The following NXPE4 variants were observed in gnomAD, a reference collection of about 807,000 sequenced individuals.
The protein encoded by NXPE4 is NXPE family member 4.
Under a neutral mutation model 33.3 loss-of-function variants are expected in NXPE4, and 42 were observed. That is an observed-to-expected ratio of 1.26 (90% CI 0.98 to 1.63). The LOEUF is 1.63. Among genes scored for constraint, NXPE4 ranks in the 40% most tolerant of loss-of-function variants. The probability of loss-of-function intolerance (pLI) is 0.00; values close to 1 mark genes in which losing one functional copy is unlikely to be tolerated. For missense variants in NXPE4, 709 were observed against 647.6 expected (o/e 1.09, Z -1.03); for synonymous variants, 253 against 234.9 (o/e 1.08, Z -0.71).
the NXPE4 span, among the ~76,000 whole-genome samples, chr11:114,664,150 C>T: frequency 6.6e-6 from 1 of 152,128 alleles, no homozygotes; most frequent in Non-Finnish European, 1.5e-5. Context: ...ATTAAACAAG[C>T]TGGGATATAT....
the NXPE4 span, among the ~76,000 whole-genome samples, chr11:114,625,253 T>C: frequency 6.6e-6 from 1 of 152,206 alleles, no homozygotes; most frequent in Admixed American, 6.5e-5. Flanking sequence ...GGGTTACCAC[T>C]GTTTCCCAGT....
At chr11:114,656,038 C>T in the NXPE4 span, among the ~76,000 whole-genome samples, 1 of 152,154 alleles carries the variant, frequency 6.6e-6, no homozygotes, top group Non-Finnish European at 1.5e-5. Context: ...CCCATCATCT[C>T]AGCCCCAAAA....
At chr11:114,631,523 T>A in the NXPE4 span, among the ~76,000 whole-genome samples, 1 of 80,044 alleles carries the variant, frequency 1.2e-5, no homozygotes, top group Non-Finnish European at 2.3e-5. Context: ...GGGACTGTTG[T>A]GGGGTGGGGG....
In NXPE4 at chr11:114,588,270, C is replaced by G. The variant is rs749583346; in HGVS notation, c.97-5249G>C. On this transcript the variant is annotated intron_variant, in intron 2 of 5. Coordinates refer to ENST00000375478, the MANE Select transcript of NXPE4 (RefSeq NM_001077639.2). The stretch of plus-strand genomic sequence containing the variant: ...CCACTCCCCTAGCTTCACTCTTATC[C>G]TTACAGGAAATGCTCAATGGAGGTG... 6.0e-4 allele frequency among the ~76,000 whole-genome samples: 91 copies of G among 152,166 alleles called. 1 individual carries two copies. Among genetic ancestry groups the G allele is most frequent in the Non-Finnish European group, 5.3e-4 (36 of 68,034 alleles).
the NXPE4 span, among the ~76,000 whole-genome samples, chr11:114,635,024 G>T: frequency 1.3e-5 from 2 of 151,788 alleles, no homozygotes; most frequent in South Asian, 2.1e-4. Flanking sequence ...GCTTGATGGG[G>T]ATGGCATTGA....
the NXPE4 span, among the ~76,000 whole-genome samples, chr11:114,626,055 C>G: frequency 6.6e-6 from 1 of 152,180 alleles, no homozygotes; most frequent in Non-Finnish European, 1.5e-5. Context: ...ATTGCTAGCA[C>G]AGCAGTCTGA....
the NXPE4 span, among the ~76,000 whole-genome samples, chr11:114,626,092 C>A: frequency 2.0e-5 from 3 of 152,282 alleles, no homozygotes; most frequent in South Asian, 2.1e-4. Flanking sequence ...GGCAGCGAGG[C>A]TGGGAGAGGG....
the NXPE4 span, among the ~76,000 whole-genome samples, chr11:114,649,773 T>C: frequency 6.6e-6 from 1 of 152,154 alleles, no homozygotes; most frequent in South Asian, 2.1e-4. Context: ...CAAAATAGCC[T>C]CCAGAATAGA....
At chr11:114,663,365 T>C in the NXPE4 span, among the ~76,000 whole-genome samples, 2 of 152,132 alleles carry the variant, frequency 1.3e-5, no homozygotes, top group African/African-American at 4.8e-5. Context: ...GTGGGCCCTC[T>C]TCCTGTTCAA....
At chr11:114,628,220 T>C in the NXPE4 span, among the ~76,000 whole-genome samples, 474 of 143,670 alleles carry the variant, frequency 3.3e-3, 3 homozygotes, top group African/African-American at 0.012. Context: ...AATATACATT[T>C]TTTTCAGCAA....
chr11:114,578,544 G>A (rs1416688506), intron 5 of NXPE4, among the ~76,000 whole-genome samples: 1 of 152,150 alleles, frequency 6.6e-6, no homozygotes, highest in Non-Finnish European at 1.5e-5. Context: ...TCCTTCCATT[G>A]AGAATTTTTC....
the NXPE4 span, among the ~76,000 whole-genome samples, chr11:114,659,613 A>C: frequency 1.1e-4 from 16 of 152,148 alleles, no homozygotes; most frequent in Non-Finnish European, 1.9e-4. Context: ...ATACTAGAAA[A>C]TATTTTTAAT....
the NXPE4 span, among the ~76,000 whole-genome samples, chr11:114,668,063 A>G: frequency 5.3e-5 from 8 of 151,696 alleles, no homozygotes; most frequent in Non-Finnish European, 1.0e-4. Flanking sequence ...TTTCTTAGGG[A>G]GAAGGATGTT....
At chr11:114,578,546 G>A (rs1206663512) in intron 5 of NXPE4, among the ~76,000 whole-genome samples, 2 of 152,114 alleles carry the variant, frequency 1.3e-5, no homozygotes, top group East Asian at 1.9e-4. Context: ...CTTCCATTGA[G>A]AATTTTTCTT....
the NXPE4 span, among the ~76,000 whole-genome samples, chr11:114,640,607 C>T: frequency 6.6e-6 from 1 of 151,920 alleles, no homozygotes; most frequent in Non-Finnish European, 1.5e-5. Context: ...ACCACATCTT[C>T]ACGAACATCT....
the NXPE4 span, among the ~76,000 whole-genome samples, chr11:114,636,840 A>C: frequency 6.6e-6 from 1 of 152,016 alleles, no homozygotes; most frequent in Non-Finnish European, 1.5e-5. Flanking sequence ...GTTTGTTATA[A>C]TTTCTGTTCT....
chr11:114,594,007 A>AC (rs1949522142), intron 2 of NXPE4, among the ~76,000 whole-genome samples: 2 of 152,090 alleles, frequency 1.3e-5, no homozygotes, highest in Non-Finnish European at 2.9e-5. Context: ...GAGTAGAATG[A>AC]TGGCTACCAG....
At chr11:114,617,508 G>A in the NXPE4 span, among the ~76,000 whole-genome samples, 5 of 151,290 alleles carry the variant, frequency 3.3e-5, no homozygotes, top group South Asian at 2.1e-4. Flanking sequence ...ACTGTTAACC[G>A]GTGGATAATA....
At chr11:114,572,981 T>C (rs752025276) in intron 5 of NXPE4, among the ~76,000 whole-genome samples, 11 of 152,146 alleles carry the variant, frequency 7.2e-5, no homozygotes, top group Non-Finnish European at 1.2e-4. Context: ...AGGTAACCTA[T>C]AAAAGAAAAC....
Sources: allele counts gnomAD v4.1 joint callset (sites outside exome capture counted in the v4.1 genomes callset), GRCh38; gene constraint gnomAD v4.1.1; transcripts MANE v1.5; gene names NCBI Gene and HGNC (gene_info 2026-07-23, HGNC 2026-07-21).